The following LRRC69 variants were observed in gnomAD, a reference collection of about 807,000 sequenced individuals.
LRRC69 encodes leucine rich repeat containing 69, also known as leucine-rich repeat-containing protein 69.
Under a neutral mutation model 37.8 loss-of-function variants are expected in LRRC69, and 42 were observed. The ratio of observed to expected loss-of-function variants is 1.11; its 90% CI spans 0.87 to 1.44. LRRC69 has a LOEUF of 1.44. Among genes scored for constraint, LRRC69 ranks in the 40% most tolerant of loss-of-function variants. The probability of loss-of-function intolerance (pLI) is 0.00; values close to 1 mark genes in which losing one functional copy is unlikely to be tolerated. For synonymous variants in LRRC69, 141 were observed against 143.1 expected, an observed-to-expected ratio of 0.99 and a Z score of 0.11; for missense variants, 357 against 401.9, an observed-to-expected ratio of 0.89 and a Z score of 0.96.
intron 5 of LRRC69, among the ~76,000 whole-genome samples, chr8:91,147,398 C>T: frequency 6.6e-6 from 1 of 150,418 alleles, no homozygotes; most frequent in East Asian, 1.9e-4. Context: ...TTATAAGTAC[C>T]ATATAATACT....
rs570748937 is a variant in LRRC69, at chr8:91,206,006, G to A, written c.933+5214G>A. 5.3e-5 allele frequency among the ~76,000 whole-genome samples: 8 copies of A among 152,278 alleles called. No homozygotes were observed. In the South Asian group the frequency reaches 6.2e-4, roughly 12 times the overall value. On this transcript the variant is annotated intron_variant, in intron 7 of 7. Coordinates refer to ENST00000448384, the Ensembl canonical transcript of LRRC69. Reference sequence around the variant, plus strand: ...GCATTTAGCAAAATTTGTAGTAATCGATTTACTTGGTGTTGGTGTCTGTCT... The same window carrying A: ...GCATTTAGCAAAATTTGTAGTAATCAATTTACTTGGTGTTGGTGTCTGTCT...
At chr8:91,102,696 G>A in exon 1 of LRRC69, 1 of 1,551,344 alleles carries the variant, frequency 6.4e-7, no homozygotes, top group Non-Finnish European at 8.7e-7. Context: ...GCATTGAGTG[G>A]TGGTAAAAAT....
intron 5 of LRRC69, among the ~76,000 whole-genome samples, chr8:91,173,209 G>C (rs986671433): frequency 6.6e-6 from 1 of 151,972 alleles, no homozygotes; most frequent in Non-Finnish European, 1.5e-5. Flanking sequence ...GCTTGGTCCT[G>C]AGAGAGTATA....
At chr8:91,145,836 A>G (rs1055019240) in intron 5 of LRRC69, among the ~76,000 whole-genome samples, 1 of 151,812 alleles carries the variant, frequency 6.6e-6, no homozygotes, top group Admixed American at 6.6e-5. Flanking sequence ...GTTGAATTAT[A>G]TGTTATTGCT....
chr8:91,103,605 G>A (rs1168098989), intron 1 of LRRC69, among the ~76,000 whole-genome samples: 4 of 151,824 alleles, frequency 2.6e-5, no homozygotes, highest in Non-Finnish European at 4.4e-5. Flanking sequence ...CAGCTAAGGC[G>A]TTATAGCTCA....
intron 7 of LRRC69, among the ~76,000 whole-genome samples, chr8:91,206,486 A>G (rs73305606): frequency 0.033 from 4,968 of 152,284 alleles, 256 homozygotes; most frequent in African/African-American, 0.11. Flanking sequence ...TGTTCACATT[A>G]TCATCTGGAA....
At chr8:91,201,849 G>A (rs912752522) in intron 7 of LRRC69, among the ~76,000 whole-genome samples, 1 of 152,110 alleles carries the variant, frequency 6.6e-6, no homozygotes, top group Non-Finnish European at 1.5e-5. Context: ...TGACATAAAA[G>A]AATGGTATAT....
At chr8:91,133,430 G>A in intron 4 of LRRC69, 125 bp downstream of exon 4, 1 of 637,138 alleles carries the variant, frequency 1.6e-6, no homozygotes, top group Non-Finnish European at 2.5e-6. Context: ...CAGATTAAAT[G>A]TAGTCAGTTC....
At chr8:91,217,689 C>G (rs1188602191) in intron 7 of LRRC69, among the ~76,000 whole-genome samples, 1 of 152,126 alleles carries the variant, frequency 6.6e-6, no homozygotes, top group African/African-American at 2.4e-5. Context: ...GTGGTAGTTG[C>G]CCAAAGGAAA....
chr8:91,120,044 A>T (rs573322091), intron 1 of LRRC69, among the ~76,000 whole-genome samples: 3 of 151,534 alleles, frequency 2.0e-5, no homozygotes, highest in Middle Eastern at 3.4e-3. Context: ...GTGGGGGGGA[A>T]CTCCAGCTTC....
chr8:91,161,190 C>A (rs556444906), intron 5 of LRRC69, among the ~76,000 whole-genome samples: 1 of 151,162 alleles, frequency 6.6e-6, no homozygotes, highest in African/African-American at 2.4e-5. Context: ...TGTTGGATTC[C>A]ATTTGCTACT....
intron 5 of LRRC69, among the ~76,000 whole-genome samples, chr8:91,175,738 T>C (rs779116811): frequency 6.6e-6 from 1 of 152,004 alleles, no homozygotes; most frequent in Non-Finnish European, 1.5e-5. Flanking sequence ...TCCTATTGTA[T>C]GTTGAATGGT....
intron 5 of LRRC69, among the ~76,000 whole-genome samples, chr8:91,176,134 A>ATATTT: frequency 5.7e-4 from 43 of 75,682 alleles, no homozygotes; most frequent in African/African-American, 2.0e-3. Context: ...ATATATATAT[A>ATATTT]TTTTTTTTTT....
At chr8:91,217,495 G>C (rs571526504) in intron 7 of LRRC69, among the ~76,000 whole-genome samples, 17 of 152,226 alleles carry the variant, frequency 1.1e-4, no homozygotes, top group African/African-American at 4.1e-4. Flanking sequence ...GAATGTCCTG[G>C]GGCTGATGTT....
intron 5 of LRRC69, among the ~76,000 whole-genome samples, chr8:91,172,090 A>G (rs560899746): frequency 6.6e-6 from 1 of 152,104 alleles, no homozygotes; most frequent in Non-Finnish European, 1.5e-5. Flanking sequence ...CATGGTTTAG[A>G]GTATTTTCCT....
chr8:91,170,310 A>G (rs529448235), intron 5 of LRRC69, among the ~76,000 whole-genome samples: 52 of 149,272 alleles, frequency 3.5e-4, no homozygotes, highest in Non-Finnish European at 6.4e-4. Context: ...TTTTTGCTGC[A>G]TAAATGGCCA....
At chr8:91,122,035 A>G (rs1813632366) in intron 1 of LRRC69, among the ~76,000 whole-genome samples, 1 of 152,104 alleles carries the variant, frequency 6.6e-6, no homozygotes, top group Admixed American at 6.6e-5. Context: ...CCAGACCCTT[A>G]TATTCTGTAA....
At chr8:91,135,586 G>A (rs1240589688) in intron 4 of LRRC69, 82 bp from the exon 5 acceptor site, 1 of 867,612 alleles carries the variant, frequency 1.2e-6, no homozygotes, top group Non-Finnish European at 1.7e-6. Context: ...CATCATGTTG[G>A]AGCTTTAAAA....
chr8:91,147,202 G>A (rs913349890), intron 5 of LRRC69, among the ~76,000 whole-genome samples: 1 of 147,292 alleles, frequency 6.8e-6, no homozygotes, highest in Non-Finnish European at 1.5e-5. Context: ...TGGCTTTAAA[G>A]TTTATTTTTT....
Sources: gnomAD v4.1 joint callset for allele counts (sites outside exome capture counted in the v4.1 genomes callset) on GRCh38, gnomAD v4.1.1 for gene constraint, MANE v1.5 for transcripts, NCBI Gene and HGNC (gene_info 2026-07-23, HGNC 2026-07-21) for gene names.